Variants in GPAM observed in about 807,000 individuals in gnomAD.
GPAM encodes glycerol-3-phosphate acyltransferase, mitochondrial.
A neutral mutation model predicts 105.0 loss-of-function variants in GPAM; 56 were observed. That is an observed-to-expected ratio of 0.53 (90% CI 0.43 to 0.67). GPAM has a LOEUF of 0.67. Among genes scored for constraint, GPAM ranks in the 30% least tolerant of loss-of-function variants. GPAM has a pLI of 0.00. For synonymous variants in GPAM, 368 were observed against 354.4 expected, an observed-to-expected ratio of 1.04 and a Z score of -0.43; for missense variants, 855 against 989.8, an observed-to-expected ratio of 0.86 and a Z score of 1.83.
chr10:112,195,197 C>G (rs2133287305), intron 1 of GPAM, among the ~76,000 whole-genome samples: 1 of 152,228 alleles, frequency 6.6e-6, no homozygotes, highest in South Asian at 2.1e-4. Flanking sequence ...TGCATCATGC[C>G]AAAATGCACC....
chr10:112,163,047 AC>A (rs1207924067), intron 14 of GPAM, among the ~76,000 whole-genome samples: 1 of 152,170 alleles, frequency 6.6e-6, no homozygotes, highest in Non-Finnish European at 1.5e-5. Flanking sequence ...GAAAGAAATC[AC>A]AACTAGGCTG....
At chr10:112,227,649 G>A in the GPAM span, among the ~76,000 whole-genome samples, 2 of 152,218 alleles carry the variant, frequency 1.3e-5, no homozygotes, top group Non-Finnish European at 2.9e-5. Flanking sequence ...GACACGCACT[G>A]AGCAGTTGCC....
intron 4 of GPAM, among the ~76,000 whole-genome samples, 160 bp from the exon 5 acceptor site, chr10:112,178,217 G>A (rs533548466): frequency 6.6e-6 from 1 of 152,234 alleles, no homozygotes; most frequent in South Asian, 2.1e-4. Context: ...GTACTTTTTA[G>A]CCTTCAAAGA....
At chr10:112,207,051 GT>G (rs1847859932) in intron 1 of GPAM, among the ~76,000 whole-genome samples, 1 of 152,184 alleles carries the variant, frequency 6.6e-6, no homozygotes. Context: ...TCTTAATGTG[GT>G]TTCTCAAACT....
intron 19 of GPAM, chr10:112,156,880 T>C (rs1373119115): frequency 2.5e-5 from 9 of 353,396 alleles, no homozygotes; most frequent in Non-Finnish European, 2.5e-5. Flanking sequence ...TATGAAATTT[T>C]GGGAGGGACA....
At chr10:112,156,468 C>T (rs1847019522) in intron 19 of GPAM, 1 of 279,106 alleles carries the variant, frequency 3.6e-6, no homozygotes, top group Admixed American at 4.9e-5. Flanking sequence ...TATCTCACTC[C>T]TTCTGCAGCA....
At chr10:112,190,497 C>T (rs200690905) in intron 1 of GPAM, among the ~76,000 whole-genome samples, 2 of 71,424 alleles carry the variant, frequency 2.8e-5, no homozygotes, top group African/African-American at 5.5e-5. Flanking sequence ...GAGACTCCAT[C>T]TTAAAAAAAA....
chr10:112,183,885 G>C (rs1464341039), upstream of GPAM: 1 of 152,428 alleles, frequency 6.6e-6, no homozygotes, highest in African/African-American at 2.4e-5. Flanking sequence ...TGTAATGTGT[G>C]TACTCGAGTG....
intron 10 of GPAM, 141 bp from the exon 11 acceptor site, chr10:112,168,665 C>CGG (rs1847260866): frequency 1.4e-6 from 1 of 723,264 alleles, no homozygotes; most frequent in African/African-American, 1.8e-5. Flanking sequence ...ACTAATAAAA[C>CGG]AGCTCCTCCA....
intron 20 of GPAM, 34 bp from the exon 21 acceptor site, chr10:112,154,721 T>C: frequency 6.9e-7 from 1 of 1,452,328 alleles, no homozygotes; most frequent in Non-Finnish European, 9.7e-7. Context: ...GTCAAATGGT[T>C]ACGCTCAACA....
Position 112,159,981 on chromosome 10 carries a change from C to T in GPAM, c.1832G>A (p.Ser611Asn). The T allele has an allele frequency of 6.2e-7, 1 of 1,614,034 alleles. No homozygotes were observed. The highest frequency in any genetic ancestry group is 8.5e-7 in the Non-Finnish European group (1 of 1,179,914). Residue 611 changes from serine (S) to asparagine (N), a missense_variant, in exon 17 of 22, where the codon AGC becomes AAC. Physicochemically the swap from Ser to Asn is conservative, Grantham distance 46. Coordinates refer to ENST00000348367, the MANE Select transcript of GPAM (RefSeq NM_001244949.2). ...CGCCTTCCGCACCAGCTGCTCCTGG[C>T]TGATCAGGTTAGGTGGGGTGCTAGT... ...GPTSTPPNLI[S>N]QEQLVRKAAS... is the part of the protein sequence containing the mutation.
At chr10:112,222,181 C>T in the GPAM span, among the ~76,000 whole-genome samples, 1 of 152,068 alleles carries the variant, frequency 6.6e-6, no homozygotes, top group Non-Finnish European at 1.5e-5. Flanking sequence ...TCTCATTTTT[C>T]TAAATTTAAA....
chr10:112,186,817 C>T (rs765008959), upstream of GPAM, among the ~76,000 whole-genome samples: 2 of 152,164 alleles, frequency 1.3e-5, no homozygotes, highest in Non-Finnish European at 2.9e-5. Flanking sequence ...TCCCAAAGTG[C>T]TGGGATTATA....
chr10:112,201,683 T>A (rs1207592358), intron 1 of GPAM, among the ~76,000 whole-genome samples: 1 of 152,230 alleles, frequency 6.6e-6, no homozygotes, highest in East Asian at 1.9e-4. Context: ...TTCTTCTATA[T>A]CATCCTATTT....
At chr10:112,208,439 G>A (rs1305428784) in intron 1 of GPAM, among the ~76,000 whole-genome samples, 1 of 152,122 alleles carries the variant, frequency 6.6e-6, no homozygotes, top group African/African-American at 2.4e-5. Flanking sequence ...GATACTTGAG[G>A]CATTAAACAT....
chr10:112,222,308 G>C, the GPAM span, among the ~76,000 whole-genome samples: 3 of 152,064 alleles, frequency 2.0e-5, no homozygotes, highest in Non-Finnish European at 2.9e-5. Context: ...CCCACTGTTT[G>C]TGCCTAACCT....
chr10:112,181,982 TG>T (rs1847517598), intron 2 of GPAM, among the ~76,000 whole-genome samples, 169 bp from the exon 3 acceptor site: 1 of 152,062 alleles, frequency 6.6e-6, no homozygotes, highest in Non-Finnish European at 1.5e-5. Flanking sequence ...TGTGTTTATA[TG>T]AACACAGTTA....
rs34627276 is a variant in GPAM at position 112,199,089 on chromosome 10, A to ATGTGTGTGTGTGTG, written n.210+16065_210+16078dup. Among the ~76,000 whole-genome samples the ATGTGTGTGTGTGTG allele has an allele frequency of 1.1e-3, 152 of 134,966 alleles. 1 individual carries two copies. The East Asian group carries it at 0.016, about 14-fold the overall frequency. The allele number at this position is 134,966 out of a possible 152,430, so 88.5% of individuals were successfully genotyped here. On this transcript the variant is annotated intron_variant and non_coding_transcript_variant, in intron 1 of 3. Coordinates refer to the GPAM transcript ENST00000480130. ...AGACACACGCCGCCACGCCTGGCTA[A>ATGTGTGTGTGTGTG]TGTGTGTGTGTGTGTGTGTGTGTGT... is the stretch of plus-strand genomic sequence containing the variant.
intron 1 of GPAM, chr10:112,214,379 A>G (rs1004755811): frequency 3.3e-5 from 5 of 152,194 alleles, no homozygotes; most frequent in African/African-American, 1.2e-4. Flanking sequence ...TTGGTTTTGC[A>G]TCGTATCTTC....
Sources: allele counts gnomAD v4.1 joint callset (sites outside exome capture counted in the v4.1 genomes callset), GRCh38; gene constraint gnomAD v4.1.1; transcripts MANE v1.5; gene names NCBI Gene and HGNC (gene_info 2026-07-23, HGNC 2026-07-21).